The following MPDZ variants were observed in gnomAD, a reference collection of about 807,000 sequenced individuals.
MPDZ encodes multiple PDZ domain protein.
In MPDZ, 234 loss-of-function variants were observed where a neutral mutation model predicts 239.1. The ratio of observed to expected loss-of-function variants is 0.98; its 90% CI spans 0.88 to 1.09. The LOEUF (loss-of-function observed/expected upper bound fraction) is 1.09. Ranked by LOEUF, MPDZ falls within the 50% of genes least tolerant of loss-of-function variation. MPDZ has a pLI of 0.00. For missense variants in MPDZ, 3,175 were observed against 2,510.0 expected (o/e 1.26, Z -5.66); for synonymous variants, 1,048 against 881.3 (o/e 1.19, Z -3.35).
At chr9:13,249,302 A>G (rs1967251960) in intron 2 of MPDZ, among the ~76,000 whole-genome samples, 1 of 152,314 alleles carries the variant, frequency 6.6e-6, no homozygotes, top group East Asian at 1.9e-4. Context: ...AGCACAAAAC[A>G]GAATAAAGAC....
intron 39 of MPDZ, among the ~76,000 whole-genome samples, chr9:13,118,189 T>G (rs1943789005): frequency 6.6e-6 from 1 of 152,210 alleles, no homozygotes; most frequent in Non-Finnish European, 1.5e-5. Flanking sequence ...TTACATTGTT[T>G]TATGGATGCT....
At chr9:13,126,975 AT>A (rs1328520789) in intron 32 of MPDZ, among the ~76,000 whole-genome samples, 2 of 152,214 alleles carry the variant, frequency 1.3e-5, no homozygotes, top group Non-Finnish European at 2.9e-5. Flanking sequence ...ATTTTCCTCC[AT>A]CAAACATTCA....
chr9:13,196,299 A>G (rs1268575746), intron 12 of MPDZ, 69 bp from the exon 13 acceptor site: 2 of 1,101,206 alleles, frequency 1.8e-6, no homozygotes. Context: ...ATCCTGTACC[A>G]AGGATTCTCT....
intron 32 of MPDZ, among the ~76,000 whole-genome samples, chr9:13,132,705 T>C (rs1587065686): frequency 6.6e-6 from 1 of 152,190 alleles, no homozygotes; most frequent in Non-Finnish European, 1.5e-5. Flanking sequence ...ATATACTTAA[T>C]TCTCACTACA....
At chr9:13,266,843 A>G (rs1456735484) in intron 1 of MPDZ, among the ~76,000 whole-genome samples, 1 of 152,192 alleles carries the variant, frequency 6.6e-6, no homozygotes, top group Non-Finnish European at 1.5e-5. Flanking sequence ...AGAGAAAGAG[A>G]AGGAGGAGGA....
chr9:13,210,878 G>C (rs1226164178), intron 10 of MPDZ, among the ~76,000 whole-genome samples: 1 of 152,150 alleles, frequency 6.6e-6, no homozygotes, highest in Non-Finnish European at 1.5e-5. Flanking sequence ...AACCCTCAGA[G>C]ATAGTCAGTT....
intron 13 of MPDZ, among the ~76,000 whole-genome samples, chr9:13,195,230 G>C (rs1321185607): frequency 6.6e-6 from 1 of 152,124 alleles, no homozygotes; most frequent in Non-Finnish European, 1.5e-5. Flanking sequence ...CAAGGCTGCA[G>C]TGAGCCATGA....
intron 27 of MPDZ, among the ~76,000 whole-genome samples, chr9:13,141,633 C>T (rs1001288500): frequency 3.0e-4 from 46 of 152,068 alleles, no homozygotes; most frequent in Non-Finnish European, 5.9e-5. Flanking sequence ...TGTAAGGATA[C>T]ATTAAATGAT....
intron 21 of MPDZ, among the ~76,000 whole-genome samples, chr9:13,168,864 G>T (rs988380588): frequency 6.6e-6 from 1 of 152,108 alleles, no homozygotes; most frequent in Non-Finnish European, 1.5e-5. Context: ...GTCTCTCAGG[G>T]AGAGTACTAT....
chr9:13,211,548 C>T (rs888268127), intron 10 of MPDZ, among the ~76,000 whole-genome samples: 1 of 151,990 alleles, frequency 6.6e-6, no homozygotes, highest in African/African-American at 2.4e-5. Flanking sequence ...CAGTGCTGAG[C>T]AACAAAATAA....
intron 10 of MPDZ, among the ~76,000 whole-genome samples, chr9:13,209,702 A>G: frequency 6.6e-6 from 1 of 152,140 alleles, no homozygotes; most frequent in East Asian, 1.9e-4. Flanking sequence ...AATAGTTCAC[A>G]TTTCCTTGTA....
intron 13 of MPDZ, among the ~76,000 whole-genome samples, chr9:13,195,172 A>C (rs1164297085): frequency 6.6e-6 from 1 of 151,906 alleles, no homozygotes; most frequent in Non-Finnish European, 1.5e-5. Context: ...CCTGTAGTCC[A>C]AGCTACTCGG....
intron 39 of MPDZ, 83 bp from the exon 40 acceptor site, chr9:13,115,417 A>C (rs929869794): frequency 8.3e-7 from 1 of 1,200,898 alleles, no homozygotes; most frequent in African/African-American, 1.5e-5. Flanking sequence ...TTTACTCTTC[A>C]AGACTTTTTT....
At chr9:13,198,827 T>TG (rs1397654926) in intron 12 of MPDZ, among the ~76,000 whole-genome samples, 2 of 150,722 alleles carry the variant, frequency 1.3e-5, no homozygotes, top group African/African-American at 4.9e-5. Context: ...TCTGTTGGTG[T>TG]GATGCCTCTA....
intron 39 of MPDZ, among the ~76,000 whole-genome samples, chr9:13,118,777 A>C (rs2131481715): frequency 6.6e-6 from 1 of 152,342 alleles, no homozygotes; most frequent in African/African-American, 2.4e-5. Context: ...ATTCATTTTT[A>C]AAATGAAACT....
At chr9:13,270,755 C>T (rs1438318208) in intron 1 of MPDZ, among the ~76,000 whole-genome samples, 1 of 152,098 alleles carries the variant, frequency 6.6e-6, no homozygotes, top group Non-Finnish European at 1.5e-5. Flanking sequence ...TTGGCCAGAG[C>T]TGATCTAGAA....
At chr9:13,207,640 GC>G (rs1188683479) in intron 10 of MPDZ, among the ~76,000 whole-genome samples, 3 of 152,148 alleles carry the variant, frequency 2.0e-5, no homozygotes, top group Non-Finnish European at 4.4e-5. Flanking sequence ...TGCCGTCAAA[GC>G]CCCCTTTTAC....
chr9:13,172,586 C>T (rs1951929433), intron 21 of MPDZ, among the ~76,000 whole-genome samples: 1 of 152,044 alleles, frequency 6.6e-6, no homozygotes, highest in African/African-American at 2.4e-5. Context: ...GGGGTTTCGC[C>T]ATGTTGGGCA....
intron 45 of MPDZ, 117 bp from the exon 46 acceptor site, chr9:13,109,176 G>A: frequency 4.7e-6 from 4 of 853,988 alleles, no homozygotes; most frequent in Non-Finnish European, 6.2e-6. Flanking sequence ...TTACTGACAA[G>A]GAGTATATTA....
Sources: gnomAD v4.1 joint callset for allele counts (sites outside exome capture counted in the v4.1 genomes callset) on GRCh38, gnomAD v4.1.1 for gene constraint, MANE v1.5 for transcripts, NCBI Gene and HGNC (gene_info 2026-07-23, HGNC 2026-07-21) for gene names.